The following KLF3 variants were observed in gnomAD, a reference collection of about 807,000 sequenced individuals.
The protein encoded by KLF3 is Krueppel-like factor 3.
In KLF3, 6 loss-of-function variants were observed where a neutral mutation model predicts 32.7. The observed-to-expected ratio is 0.18, with a 90% CI of 0.10 to 0.36. The LOEUF is 0.36. Among genes scored for constraint, KLF3 ranks in the 10% least tolerant of loss-of-function variants. The probability of loss-of-function intolerance (pLI) is 1.00; values close to 1 mark genes in which losing one functional copy is unlikely to be tolerated. For missense variants in KLF3, 338 were observed against 449.7 expected (o/e 0.75, Z 2.25); for synonymous variants, 145 against 172.8 (o/e 0.84, Z 1.26).
At position 38,694,732 on chromosome 4, in the gene KLF3, C is replaced by G. The variant is rs1218242155; in HGVS notation, c.696-14C>G. The G allele has an allele frequency of 1.5e-5, 23 of 1,543,660 alleles. No homozygotes were observed. Among genetic ancestry groups the G allele is most frequent in the Non-Finnish European group, 2.0e-5 (23 of 1,153,984 alleles). ...GTGCTCTCAACATTTGGCCTGTAAC[C>G]TTGGCTTTCACAGGAATCACCCTTC... On this transcript the variant is annotated splice_polypyrimidine_tract_variant and intron_variant, in intron 4 of 5. Transcript: ENST00000261438.
Position 38,697,524 on chromosome 4 carries a change from A to G in KLF3, c.*261A>G, listed in dbSNP as rs1343744275. 3 of 369,956 alleles carry G rather than the reference A, an allele frequency of 8.1e-6. No homozygotes were observed. The highest frequency in any genetic ancestry group is 6.2e-5 in the African/African-American group (3 of 48,068). The allele number at this position is 369,956 out of a possible 1,614,324, so 22.9% of individuals were successfully genotyped here. A position where few individuals can be genotyped will look rare whatever the true frequency, so the allele number is the denominator to read the frequency against. The stretch of plus-strand genomic sequence containing the variant: ...TGGGGATGCTAAGCAAACCCTTCTT[A>G]CAGATACGTTTAATGTAATAAGAAC... On this transcript the variant is annotated 3_prime_UTR_variant, in exon 6 of 6. Coordinates refer to ENST00000261438, the MANE Select transcript of KLF3 (RefSeq NM_016531.6).
chr4:38,672,288 C>T (rs997261149), intron 1 of KLF3, among the ~76,000 whole-genome samples: 4 of 152,184 alleles, frequency 2.6e-5, no homozygotes, highest in Non-Finnish European at 2.9e-5. Context: ...GGAACAAGCC[C>T]GATCTCCTGT....
intron 2 of KLF3, among the ~76,000 whole-genome samples, chr4:38,681,578 TACA>T (rs1722526791): frequency 6.6e-6 from 1 of 152,196 alleles, no homozygotes; most frequent in East Asian, 1.9e-4. Context: ...TTTCTGCAGG[TACA>T]ACACCAGTGC....
chr4:38,681,542 G>A (rs182133754), intron 2 of KLF3, among the ~76,000 whole-genome samples: 38 of 152,310 alleles, frequency 2.5e-4, no homozygotes, highest in African/African-American at 8.7e-4. Flanking sequence ...CTTTTAGGCC[G>A]CCAGGGACTA....
At chr4:38,694,045 T>C (rs953266295) in intron 4 of KLF3, among the ~76,000 whole-genome samples, 3 of 152,292 alleles carry the variant, frequency 2.0e-5, no homozygotes, top group Middle Eastern at 3.4e-3. Flanking sequence ...CAACACTACA[T>C]TGAAATTCTC....
chr4:38,677,173 G>C (rs1157578716), intron 1 of KLF3, among the ~76,000 whole-genome samples: 1 of 151,940 alleles, frequency 6.6e-6, no homozygotes, highest in Non-Finnish European at 1.5e-5. Flanking sequence ...CGTCGGCAAG[G>C]CTGGTCTCAA....
At chr4:38,665,251 G>T (rs2109335694) in intron 1 of KLF3, among the ~76,000 whole-genome samples, 1 of 152,228 alleles carries the variant, frequency 6.6e-6, no homozygotes, top group East Asian at 1.9e-4. Flanking sequence ...AGCAAGGATT[G>T]CAGCGTGGCT....
At position 38,671,129 on chromosome 4, in the gene KLF3, A is replaced by G. The variant is rs1351063714; in HGVS notation, c.-40+6668A>G. 6.6e-6 allele frequency among the ~76,000 whole-genome samples: 1 copy of G among 152,216 alleles called. No homozygotes were observed. Among genetic ancestry groups the G allele is most frequent in the East Asian group, 1.9e-4 (1 of 5,196 alleles). On this transcript the variant is annotated intron_variant, in intron 1 of 5. Coordinates refer to ENST00000261438, the MANE Select transcript of KLF3 (RefSeq NM_016531.6). This position sits in a 1 kb window ranked among gnomAD's most constrained non-coding sequence, Gnocchi z 4.4. ...TCCCACAGCACAGGCTCTGAAGCAG[A>G]ACAGAAAGTGCCCGGGTCTGCAGGC... is the stretch of plus-strand genomic sequence containing the variant.
chr4:38,676,710 T>C (rs1226923144), intron 1 of KLF3, among the ~76,000 whole-genome samples: 1 of 152,228 alleles, frequency 6.6e-6, no homozygotes, highest in Admixed American at 6.5e-5. Flanking sequence ...TTCTATTCTT[T>C]GTGATATTTG....
At chr4:38,687,383 G>T (rs2109250813) in intron 2 of KLF3, among the ~76,000 whole-genome samples, 1 of 152,296 alleles carries the variant, frequency 6.6e-6, no homozygotes, top group South Asian at 2.1e-4. Flanking sequence ...GTTAGTTAAG[G>T]AATAGAAGTA....
At chr4:38,695,339 CTG>C (rs1468824610) in intron 5 of KLF3, among the ~76,000 whole-genome samples, 2 of 152,170 alleles carry the variant, frequency 1.3e-5, no homozygotes, top group East Asian at 3.9e-4. Context: ...AAATAGAAGA[CTG>C]TCCTTCAAGG....
At chr4:38,683,501 T>G (rs1043176236) in intron 2 of KLF3, among the ~76,000 whole-genome samples, 1 of 152,068 alleles carries the variant, frequency 6.6e-6, no homozygotes, top group African/African-American at 2.4e-5. Context: ...AGTCTGTGCC[T>G]TCAGTCTCTG....
At chr4:38,684,541 G>GTTTTTTTTTTTT in intron 2 of KLF3, among the ~76,000 whole-genome samples, 1 of 109,174 alleles carries the variant, frequency 9.2e-6, no homozygotes, top group Non-Finnish European at 1.8e-5. Context: ...GGTTTTTTGT[G>GTTTTTTTTTTTT]TTTTTTTTTT....
At chr4:38,667,432 T>C (rs1234060139) in intron 1 of KLF3, among the ~76,000 whole-genome samples, 1 of 152,208 alleles carries the variant, frequency 6.6e-6, no homozygotes, top group African/African-American at 2.4e-5. Context: ...CTCTACACAC[T>C]TGATATTGCT....
At position 38,674,510 on chromosome 4, in the gene KLF3, A is replaced by G. The variant is rs1035078278; in HGVS notation, c.-39-6077A>G. Among the ~76,000 whole-genome samples the G allele has an allele frequency of 3.3e-5, 5 of 151,564 alleles. No individual in the cohort carries two copies. Among genetic ancestry groups the G allele is most frequent in the African/African-American group, 1.2e-4 (5 of 41,290 alleles). ...GGGAAGATAACATGTTTTCTCTTTG[A>G]AAAATCCAAAAACTTAGAAGAGTTG... On this transcript the variant is annotated intron_variant, in intron 1 of 5. Coordinates refer to ENST00000261438, the MANE Select transcript of KLF3 (RefSeq NM_016531.6). This position sits in a 1 kb window ranked among gnomAD's most constrained non-coding sequence, Gnocchi z 4.1.
chr4:38,680,291 G>T, intron 1 of KLF3, among the ~76,000 whole-genome samples: 1 of 151,862 alleles, frequency 6.6e-6, no homozygotes. Flanking sequence ...TCGGCTCACT[G>T]CAACCTCCGC....
intron 1 of KLF3, among the ~76,000 whole-genome samples, chr4:38,665,068 C>G (rs1026351355): frequency 7.9e-5 from 12 of 151,796 alleles, no homozygotes; most frequent in Middle Eastern, 6.8e-3. Flanking sequence ...GAGCAGTCTC[C>G]CGGCCCTCTG....
intron 3 of KLF3, 152 bp downstream of exon 3, chr4:38,689,223 C>G (rs1197901589): frequency 1.0e-6 from 1 of 961,482 alleles, no homozygotes; most frequent in African/African-American, 1.7e-5. Context: ...CCCGCCCCCC[C>G]AAAGTGTTGA....
chr4:38,669,600 A>G (rs1722138521), intron 1 of KLF3, among the ~76,000 whole-genome samples: 1 of 152,152 alleles, frequency 6.6e-6, no homozygotes, highest in Admixed American at 6.5e-5. Context: ...AAGCAAAAAA[A>G]TAGTGTCCTC....
Sources: allele counts gnomAD v4.1 joint callset (sites outside exome capture counted in the v4.1 genomes callset), GRCh38; gene constraint gnomAD v4.1.1; non-coding constraint Gnocchi (gnomAD v3.1); transcripts MANE v1.5; gene names NCBI Gene and HGNC (gene_info 2026-07-23, HGNC 2026-07-21).